Variants in TVP23A observed in about 807,000 individuals in gnomAD.
The protein encoded by TVP23A is trans-golgi network vesicle protein 23 homolog A, also known as Golgi apparatus membrane protein TVP23 homolog A.
A neutral mutation model predicts 31.7 loss-of-function variants in TVP23A; 21 were observed. The observed-to-expected ratio is 0.66, with a 90% confidence interval of 0.47 to 0.95. The LOEUF (loss-of-function observed/expected upper bound fraction) is 0.95, where lower values mean the gene tolerates loss of function less well. Ranked by LOEUF, TVP23A falls within the 40% of genes least tolerant of loss-of-function variation. The pLI is 0.00. For missense variants in TVP23A, 279 were observed against 255.6 expected (o/e 1.09, Z -0.62); for synonymous variants, 104 against 96.0 (o/e 1.08, Z -0.49).
At chr16:10,798,821 ACC>A (rs1387362010) in intron 2 of TVP23A, among the ~76,000 whole-genome samples, 7 of 151,694 alleles carry the variant, frequency 4.6e-5, no homozygotes. Flanking sequence ...ACACCACCAC[ACC>A]CAGCTAATTT....
chr16:10,815,122 T>C (rs545130527), intron 2 of TVP23A, among the ~76,000 whole-genome samples: 4 of 151,930 alleles, frequency 2.6e-5, no homozygotes, highest in African/African-American at 4.8e-5. Context: ...CCAGGCACAG[T>C]GGCTCACACC....
chr16:10,771,906 C>T, intron 5 of TVP23A, 108 bp from the exon 6 acceptor site: 1 of 1,422,682 alleles, frequency 7.0e-7, no homozygotes, highest in East Asian at 2.6e-5. Context: ...GCAAGTTCCG[C>T]CTCCCGGGTT....
At chr16:10,765,779 A>T (rs1305172817), downstream of TVP23A, among the ~76,000 whole-genome samples, 1 of 152,262 alleles carries the variant, frequency 6.6e-6, no homozygotes, top group Non-Finnish European at 1.5e-5. This position sits in a 1 kb window ranked among gnomAD's most constrained non-coding sequence, Gnocchi z 4.0. Context: ...ATTTCAAAGC[A>T]GAGGAGCCAC....
intron 2 of TVP23A, among the ~76,000 whole-genome samples, chr16:10,806,033 T>C (rs1276255095): frequency 6.6e-6 from 1 of 152,140 alleles, no homozygotes; most frequent in Non-Finnish European, 1.5e-5. Context: ...AGTGCCAACC[T>C]TGAAATAAAT....
At chr16:10,769,201 C>A in intron 7 of TVP23A, 100 bp from the exon 8 acceptor site, 1 of 1,122,030 alleles carries the variant, frequency 8.9e-7, no homozygotes, top group Non-Finnish European at 1.3e-6. Context: ...TGGGGTGGGT[C>A]ACAGCAAAAG....
At chr16:10,798,390 T>C (rs2033520628) in intron 2 of TVP23A, among the ~76,000 whole-genome samples, 1 of 152,186 alleles carries the variant, frequency 6.6e-6, no homozygotes, top group African/African-American at 2.4e-5. Flanking sequence ...AAAATGGAGA[T>C]AATCACATCT....
chr16:10,783,990 T>A (rs1048558059), intron 2 of TVP23A, among the ~76,000 whole-genome samples: 5 of 152,070 alleles, frequency 3.3e-5, no homozygotes, highest in African/African-American at 7.2e-5. Flanking sequence ...GAAACTACTC[T>A]GTATGATGTT....
intron 2 of TVP23A, among the ~76,000 whole-genome samples, chr16:10,784,061 T>G (rs1451721931): frequency 6.6e-6 from 1 of 152,162 alleles, no homozygotes; most frequent in Non-Finnish European, 1.5e-5. Context: ...CTAGGCGTGG[T>G]GGCTCATGCC....
chr16:10,799,272 TG>T (rs2033572722), intron 2 of TVP23A, among the ~76,000 whole-genome samples: 1 of 152,190 alleles, frequency 6.6e-6, no homozygotes, highest in African/African-American at 2.4e-5. Context: ...GCTGCTAAGT[TG>T]GGGGAAATCT....
At chr16:10,763,269 A>G (rs966634461), downstream of TVP23A, among the ~76,000 whole-genome samples, 12 of 151,944 alleles carry the variant, frequency 7.9e-5, no homozygotes, top group Admixed American at 2.6e-4. Context: ...GCCACAGGAC[A>G]TGGACAGGAT....
intron 2 of TVP23A, among the ~76,000 whole-genome samples, chr16:10,778,681 G>A (rs75211545): frequency 0.07 from 10,570 of 150,894 alleles, 1,140 homozygotes; most frequent in East Asian, 0.49. Context: ...AAAAAAGATA[G>A]AGGGTCGGGC....
intron 2 of TVP23A, among the ~76,000 whole-genome samples, chr16:10,816,739 G>C (rs1185181733): frequency 6.6e-6 from 1 of 151,928 alleles, no homozygotes; most frequent in Non-Finnish European, 1.5e-5. Flanking sequence ...GGGGGAAGTG[G>C]GGAGGGATAG....
chr16:10,805,900 G>A (rs868425350), intron 2 of TVP23A, among the ~76,000 whole-genome samples: 3 of 151,984 alleles, frequency 2.0e-5, no homozygotes, highest in African/African-American at 2.4e-5. Flanking sequence ...AGAGGTGGGC[G>A]ATCTGGAGTG....
At position 10,768,124 on chromosome 16, in the gene TVP23A, G is replaced by A. The variant is rs532738402; in HGVS notation, c.*978C>T. 4.0e-6 allele frequency: 5 copies of A among 1,250,196 alleles called. No individual in the cohort carries two copies. The South Asian group carries it at 4.9e-5, about 12-fold the overall frequency. The allele number at this position is 1,250,196 out of a possible 1,614,324, so 77.4% of individuals were successfully genotyped here. A position where few individuals can be genotyped will look rare whatever the true frequency, so the allele number is the denominator to read the frequency against. ...GGTGTGGAAGGACAGGTGGGTGGTG[G>A]GGTCTGTGATGACCACAGAGTGGCC... On this transcript the variant is annotated 3_prime_UTR_variant, in exon 8 of 8. Coordinates refer to ENST00000299866, the MANE Select transcript of TVP23A (RefSeq NM_001079512.4). The surrounding 1 kb of genome is among the most constrained non-coding windows in gnomAD (Gnocchi z 4.3).
intron 6 of TVP23A, 114 bp downstream of exon 6, chr16:10,771,556 A>G: frequency 7.3e-7 from 1 of 1,364,158 alleles, no homozygotes; most frequent in South Asian, 1.3e-5. Context: ...ATAAACAATA[A>G]AACATTGGCA....
intron 2 of TVP23A, among the ~76,000 whole-genome samples, chr16:10,790,267 T>C (rs1277054018): frequency 1.3e-5 from 2 of 150,328 alleles, no homozygotes; most frequent in Non-Finnish European, 2.9e-5. Context: ...AAGAAACATG[T>C]CTTGGGGTAA....
At chr16:10,771,570 T>G in intron 6 of TVP23A, 100 bp downstream of exon 6, 1 of 1,429,738 alleles carries the variant, frequency 7.0e-7, no homozygotes, top group South Asian at 1.2e-5. Flanking sequence ...ATTGGCAGCC[T>G]GGCGGATATG....
intron 2 of TVP23A, among the ~76,000 whole-genome samples, chr16:10,816,726 C>A (rs1359715235): frequency 1.3e-5 from 2 of 151,724 alleles, no homozygotes; most frequent in Non-Finnish European, 2.9e-5. Flanking sequence ...AAGAAAGAGG[C>A]ACGGGGGAAG....
At chr16:10,778,886 A>C (rs2032249562) in intron 2 of TVP23A, among the ~76,000 whole-genome samples, 2 of 152,176 alleles carry the variant, frequency 1.3e-5, no homozygotes, top group African/African-American at 4.8e-5. Flanking sequence ...GAATTGCTTG[A>C]ACCTGGGAGG....
Sources: allele counts gnomAD v4.1 joint callset (sites outside exome capture counted in the v4.1 genomes callset), GRCh38; gene constraint gnomAD v4.1.1; non-coding constraint Gnocchi (gnomAD v3.1); transcripts MANE v1.5; gene names NCBI Gene and HGNC (gene_info 2026-07-23, HGNC 2026-07-21).